The following STIM1 variants were observed in gnomAD, a reference collection of about 807,000 sequenced individuals.
STIM1 encodes stromal interaction molecule 1.
Under a neutral mutation model 74.7 loss-of-function variants are expected in STIM1, and 25 were observed. The ratio of observed to expected loss-of-function variants is 0.33; its 90% CI spans 0.24 to 0.47. The LOEUF is 0.47. Among genes scored for constraint, STIM1 ranks in the 20% least tolerant of loss-of-function variants. STIM1 has a pLI of 1.00. For synonymous variants in STIM1, 328 were observed against 348.8 expected (o/e 0.94, Z 0.66); for missense variants, 728 against 920.8 (o/e 0.79, Z 2.71).
intron 2 of STIM1, among the ~76,000 whole-genome samples, chr11:3,982,727 TG>T (rs974934088): frequency 3.3e-5 from 5 of 152,218 alleles, no homozygotes; most frequent in Non-Finnish European, 7.3e-5. Flanking sequence ...TGTATACTTC[TG>T]TGAATATACT....
At chr11:3,907,520 C>A (rs561448175) in intron 1 of STIM1, among the ~76,000 whole-genome samples, 23 of 152,200 alleles carry the variant, frequency 1.5e-4, no homozygotes, top group Non-Finnish European at 2.8e-4. Context: ...CACCCTGATC[C>A]ACGTTACCAT....
rs563716231 is a variant in STIM1, at chr11:4,074,277, A to C, written c.792-225A>C. Among the ~76,000 whole-genome samples, 11 of 152,382 alleles carry C rather than the reference A, an allele frequency of 7.2e-5. No homozygotes were observed. The South Asian group carries it at 2.3e-3, about 32-fold the overall frequency. ...TTCAGATGCCTGAGAGCCTGGCTTC[A>C]TAGCCTTGATTACTGGCAGCAAAAT... On this transcript the variant is annotated intron_variant, in intron 6 of 12. Coordinates refer to ENST00000526596, the MANE Select transcript of STIM1 (RefSeq NM_001382567.1).
chr11:4,056,051 CTT>C (rs2094287332), intron 4 of STIM1, among the ~76,000 whole-genome samples: 1 of 152,206 alleles, frequency 6.6e-6, no homozygotes, highest in Admixed American at 6.5e-5. Context: ...AGATTTGAAT[CTT>C]GGTGTACATC....
chr11:4,025,072 T>C (rs1023651584), intron 3 of STIM1, among the ~76,000 whole-genome samples: 1 of 152,244 alleles, frequency 6.6e-6, no homozygotes, highest in Non-Finnish European at 1.5e-5. Context: ...GTCATTATCA[T>C]GCATTTAGTA....
At chr11:3,946,191 T>G (rs966402406) in intron 1 of STIM1, among the ~76,000 whole-genome samples, 1 of 152,220 alleles carries the variant, frequency 6.6e-6, no homozygotes, top group Non-Finnish European at 1.5e-5. Context: ...ATGCTGAATT[T>G]TCCTTATACA....
At chr11:3,952,134 C>G (rs1011295703) in intron 1 of STIM1, among the ~76,000 whole-genome samples, 2 of 152,094 alleles carry the variant, frequency 1.3e-5, no homozygotes, top group Non-Finnish European at 2.9e-5. Context: ...GACTTCAGGG[C>G]CAGGCTCAGT....
intron 3 of STIM1, among the ~76,000 whole-genome samples, chr11:4,039,757 T>A (rs2094133973): frequency 6.6e-6 from 1 of 151,860 alleles, no homozygotes. Context: ...AAAAATCTGA[T>A]GATATTTTAT....
intron 3 of STIM1, among the ~76,000 whole-genome samples, chr11:4,028,238 C>T (rs570779684): frequency 2.6e-5 from 4 of 151,938 alleles, no homozygotes; most frequent in Admixed American, 6.6e-5. Flanking sequence ...TGCACCATCA[C>T]GTCCAGCTAA....
At chr11:4,013,814 C>T (rs187027513) in intron 2 of STIM1, among the ~76,000 whole-genome samples, 126 of 149,070 alleles carry the variant, frequency 8.5e-4, no homozygotes, top group Non-Finnish European at 1.4e-3. Flanking sequence ...ACGCCATTCT[C>T]CTGCCTCCGC....
rs1365622226 is a variant in STIM1, at chr11:3,856,315, C to A, written c.45C>A (p.Leu15=). 6.2e-7 allele frequency: 1 copy of A among 1,614,192 alleles called. No homozygotes were observed. The highest frequency in any genetic ancestry group is 2.2e-5 in the East Asian group (1 of 44,878). ...VRLALWLLWG[L]LLHQGQSLSH... ...TTGCCCTGTGGCTCCTCTGGGGACT[C>A]CTCCTGCACCAGGGCCAGAGCCTCA... The change falls in exon 1 of 13, where the codon CTC becomes CTA. Residue 15 remains leucine (L), a synonymous_variant. Coordinates refer to ENST00000526596, the MANE Select transcript of STIM1 (RefSeq NM_001382567.1).
Position 4,055,515 on chromosome 11 carries a change from T to C in STIM1, c.386-11T>C, listed in dbSNP as rs368922449. 4.2e-5 allele frequency: 66 copies of C among 1,582,490 alleles called. No individual in the cohort carries two copies. The African/African-American group carries it at 8.2e-4, about 20-fold the overall frequency. On this transcript the variant is annotated splice_polypyrimidine_tract_variant and intron_variant, in intron 3 of 12. Transcript: ENST00000526596. ...TTCTAGAGTCATGGCTTTGCTTGTCTCTTTTCACAGTATACAATTGGACCG... is the reference window on the plus strand; with the variant it reads ...TTCTAGAGTCATGGCTTTGCTTGTCCCTTTTCACAGTATACAATTGGACCG...
At chr11:4,025,508 G>A (rs375106056) in intron 3 of STIM1, among the ~76,000 whole-genome samples, 30 of 152,122 alleles carry the variant, frequency 2.0e-4, no homozygotes, top group African/African-American at 4.6e-4. Flanking sequence ...CTATACCAGC[G>A]GTGCCAGGAA....
intron 2 of STIM1, 93 bp from the exon 3 acceptor site, chr11:4,023,780 G>C (rs2093977435): frequency 1.4e-5 from 12 of 854,336 alleles, no homozygotes; most frequent in Non-Finnish European, 2.2e-5. Context: ...GATGGAATGT[G>C]TTATGGCTAG....
intron 1 of STIM1, among the ~76,000 whole-genome samples, chr11:3,858,020 C>A (rs984121013): frequency 6.6e-6 from 1 of 152,162 alleles, no homozygotes; most frequent in African/African-American, 2.4e-5. Flanking sequence ...GACTAGTGGG[C>A]AAATGTAGAT....
intron 3 of STIM1, among the ~76,000 whole-genome samples, chr11:4,043,821 C>T (rs1047413691): frequency 6.6e-6 from 1 of 151,638 alleles, no homozygotes; most frequent in African/African-American, 2.4e-5. Context: ...TTGAGACCAT[C>T]CTGGCCAACA....
At chr11:3,927,686 A>G (rs2092805496) in intron 1 of STIM1, among the ~76,000 whole-genome samples, 1 of 152,116 alleles carries the variant, frequency 6.6e-6, no homozygotes, top group Non-Finnish European at 1.5e-5. Flanking sequence ...GTGGCTAGAG[A>G]TAGTGGAGGT....
rs2094525747 is a variant in STIM1 at position 4,091,617 on chromosome 11, C to G, written c.1970C>G (p.Thr657Arg). The G allele has an allele frequency of 6.2e-7, 1 of 1,614,116 alleles. No individual in the cohort carries two copies. The highest frequency in any genetic ancestry group is 8.5e-7 in the Non-Finnish European group (1 of 1,180,058). Residue 657 changes from threonine (T) to arginine (R), a missense_variant, in exon 13 of 13, where the codon ACA becomes AGA. Physicochemically the swap from Thr to Arg is moderately conservative, Grantham distance 71 (BLOSUM62 -1). This residue lies in a region of STIM1 where 352 missense variants were observed against 370.1 expected (regional missense o/e 0.95). Transcript: ENST00000526596. ...SHSPSSPDPD[T>R]PSPVGDSRAL... Reference sequence around the variant, plus strand: ...AGCCCCAGCTCCCCAGACCCAGACACACCATCTCCAGTTGGGGACAGCCGA... The same window carrying G: ...AGCCCCAGCTCCCCAGACCCAGACAGACCATCTCCAGTTGGGGACAGCCGA...
At chr11:4,011,459 G>A (rs761632456) in intron 2 of STIM1, among the ~76,000 whole-genome samples, 13 of 151,896 alleles carry the variant, frequency 8.6e-5, no homozygotes, top group Non-Finnish European at 1.3e-4. Context: ...TTTGATTTGC[G>A]TTTCTCTGAT....
chr11:3,978,933 T>C (rs1488047811), intron 2 of STIM1, among the ~76,000 whole-genome samples: 1 of 152,182 alleles, frequency 6.6e-6, no homozygotes, highest in African/African-American at 2.4e-5. Context: ...CTTTAGCTCA[T>C]GCTACTAGTT....
Sources: gnomAD v4.1 joint callset for allele counts (sites outside exome capture counted in the v4.1 genomes callset) on GRCh38, gnomAD v4.1.1 for gene constraint, gnomAD v4.1.1 regional missense constraint, MANE v1.5 for transcripts, NCBI Gene and HGNC (gene_info 2026-07-23, HGNC 2026-07-21) for gene names.